JAK3: variants seen among roughly 807,000 people sequenced by gnomAD.
JAK3 encodes the protein Janus kinase 3.
JAK3 carries 88 observed loss-of-function variants against 120.8 expected under a neutral mutation model. That is an observed-to-expected ratio of 0.73 (90% CI 0.61 to 0.87). The LOEUF (loss-of-function observed/expected upper bound fraction) is 0.87. JAK3 is among the 40% of genes least tolerant of loss of function. The probability of loss-of-function intolerance (pLI) is 0.00; values close to 1 mark genes in which losing one functional copy is unlikely to be tolerated. For synonymous variants in JAK3, 592 were observed against 628.6 expected, an observed-to-expected ratio of 0.94 and a Z score of 0.87; for missense variants, 1,254 against 1,501.4, an observed-to-expected ratio of 0.84 and a Z score of 2.72.
In JAK3 at chr19:17,832,504, C is replaced by T. The variant is rs201288968; in HGVS notation, c.2680+15G>A. On this transcript the variant is annotated intron_variant, in intron 19 of 23. Transcript: ENST00000458235. The surrounding 1 kb of genome is among the most constrained non-coding windows in gnomAD (Gnocchi z 4.7). ...ACCCATACGTCTTGGTTCACTCATC[C>T]GGGAGCTGGCTCACCCGGGCCATAG... is the stretch of plus-strand genomic sequence containing the variant. 228 of 1,613,956 alleles carry T rather than the reference C, an allele frequency of 1.4e-4. No individual in the cohort carries two copies. Among genetic ancestry groups the T allele is most frequent in the Admixed American group, 6.5e-4 (39 of 60,000 alleles).
intron 23 of JAK3, 23 bp from the exon 24 acceptor site, chr19:17,826,933 T>G (rs200553316): frequency 2.5e-6 from 4 of 1,602,730 alleles, no homozygotes; most frequent in Non-Finnish European, 2.5e-6. Context: ...GGACAGATAA[T>G]GGGGTCGTGC....
In JAK3 at chr19:17,838,395, G is replaced by A. The variant is rs3212750; in HGVS notation, c.1442-5C>T. On this transcript the variant is annotated splice_region_variant and splice_polypyrimidine_tract_variant and intron_variant, in intron 10 of 23. Coordinates refer to ENST00000458235, the MANE Select transcript of JAK3 (RefSeq NM_000215.4). ...CCACGATCAGGTTGGACTTTTCTAT[G>A]GGGAGAGGATGAGGGAGAAAAACCA... 1.3e-3 allele frequency: 2,054 copies of A among 1,614,122 alleles called. 26 individuals carry two copies. The African/African-American group carries it at 0.024, about 19-fold the overall frequency.
Position 17,832,736 on chromosome 19 carries a change from G to A in JAK3, c.2491-28C>T, listed in dbSNP as rs2147678649. 6.2e-7 allele frequency: 1 copy of A among 1,614,196 alleles called. No individual in the cohort carries two copies. Among genetic ancestry groups the A allele is most frequent in the Non-Finnish European group, 8.5e-7 (1 of 1,179,996 alleles). The stretch of plus-strand genomic sequence containing the variant: ...GGGGGATAGCGGGACTGATGTCCAG[G>A]CACCTGGATGCTGCCCTGCCCTCTC... On this transcript the variant is annotated intron_variant, in intron 18 of 23. Coordinates refer to ENST00000458235, the MANE Select transcript of JAK3 (RefSeq NM_000215.4). The surrounding 1 kb of genome is among the most constrained non-coding windows in gnomAD (Gnocchi z 4.7).
chr19:17,829,787 G>A, intron 23 of JAK3: 1 of 455,338 alleles, frequency 2.2e-6, no homozygotes, highest in Non-Finnish European at 3.9e-6. Flanking sequence ...AAAAAACCAT[G>A]AACGTCACCA....
rs2094202516 is a variant in JAK3 at position 17,825,614 on chromosome 19, C to T, written c.*1129G>A. 1 of 183,402 alleles carries T rather than the reference C, an allele frequency of 5.5e-6. No individual in the cohort carries two copies. The highest frequency in any genetic ancestry group is 6.3e-5 in the Admixed American group (1 of 15,944). 11.4% of individuals were successfully genotyped at this position (183,402 alleles called of 1,614,324 possible). On this transcript the variant is annotated 3_prime_UTR_variant, in exon 24 of 24. Coordinates refer to ENST00000458235, the MANE Select transcript of JAK3 (RefSeq NM_000215.4). ...AAGTCAGATCATACATTTAAAGCTACATGAGGGCCGGGCGCAGTGGCTCAT... is the reference window on the plus strand; with the variant it reads ...AAGTCAGATCATACATTTAAAGCTATATGAGGGCCGGGCGCAGTGGCTCAT...
At position 17,839,653 on chromosome 19, in the gene JAK3, C is replaced by G. The variant is rs2147691483; in HGVS notation, c.1265G>C (p.Gly422Ala). 1 of 1,610,366 alleles carries G rather than the reference C, an allele frequency of 6.2e-7. No individual in the cohort carries two copies. Among genetic ancestry groups the G allele is most frequent in the Admixed American group, 1.7e-5 (1 of 59,464 alleles). ...GATGAGGCAGCCCTTATAATCAGGA[C>G]CAAGGGGGTTCTGCAAAGAAGAGTG... is the stretch of plus-strand genomic sequence containing the variant. ...LLTVCVQNPLGPDYKGCLIRR... is the reference protein window; with the variant it reads ...LLTVCVQNPLAPDYKGCLIRR... Residue 422 changes from glycine to alanine, a missense_variant, in exon 10 of 24, where the codon GGT becomes GCT. Gly to Ala is a moderately conservative substitution (Grantham distance 60, BLOSUM62 0). Transcript: ENST00000458235.
At position 17,839,460 on chromosome 19, in the gene JAK3, G is replaced by A. The variant is rs1231254585; in HGVS notation, c.1441+17C>T. The A allele has an allele frequency of 5.8e-6, 9 of 1,563,230 alleles. No homozygotes were observed. Among genetic ancestry groups the A allele is most frequent in the Non-Finnish European group, 7.8e-6 (9 of 1,152,378 alleles). ...GTCCCAGATCAGCCACTCATTCCAG[G>A]GGAGGAAGGGGCTCACCTTTGGGTC... On this transcript the variant is annotated intron_variant, in intron 10 of 23. Coordinates refer to ENST00000458235, the MANE Select transcript of JAK3 (RefSeq NM_000215.4).
At chr19:17,829,434 C>T (rs537757178) in intron 23 of JAK3, among the ~76,000 whole-genome samples, 1 of 152,182 alleles carries the variant, frequency 6.6e-6, no homozygotes, top group South Asian at 2.1e-4. Context: ...GCTGGGTTTA[C>T]AGGTGTGAGC....
chr19:17,842,328 C>G lies in JAK3; in HGVS notation c.849G>C (p.Gln283His), dbSNP rs763628254. Residue 283 changes from glutamine to histidine, a missense_variant, in exon 6 of 24, where the codon CAG (glutamine) becomes CAC (histidine). Coordinates refer to ENST00000458235, the MANE Select transcript of JAK3 (RefSeq NM_000215.4). This position sits in a 1 kb window ranked among gnomAD's most constrained non-coding sequence, Gnocchi z 6.4. ...VAGDGGIAWT[Q>H]GEQEVLQPFC... ...AGTCCGCCCTCACCTCCTGTTCTCC[C>G]TGGGTCCAGGCGATGCCGCCGTCAC... is the stretch of plus-strand genomic sequence containing the variant. 1.4e-5 allele frequency: 23 copies of G among 1,587,540 alleles called. No homozygotes were observed. Among genetic ancestry groups the G allele is most frequent in the Non-Finnish European group, 2.0e-5 (23 of 1,172,816 alleles).
chr19:17,836,193 A>G, intron 13 of JAK3, 142 bp from the exon 14 acceptor site: 1 of 919,510 alleles, frequency 1.1e-6, no homozygotes, highest in Non-Finnish European at 1.7e-6. Context: ...TTCATACAGT[A>G]CTCACCTCTC....
chr19:17,843,114 C>G lies in JAK3; in HGVS notation c.479G>C (p.Gly160Ala). The change falls in exon 5 of 24, where the codon GGT becomes GCT. Residue 160 changes from glycine (G) to alanine (A), a missense_variant. By Grantham distance (60) the Gly-to-Ala change is moderately conservative (BLOSUM62 0). Transcript: ENST00000458235. The surrounding 1 kb of genome is among the most constrained non-coding windows in gnomAD (Gnocchi z 5.4). The part of the protein sequence containing the change: ...LPVGLSLKEQ[G>A]ECLSLAVLDL... ...CAACACGGCCAGGCTGAGACACTCA[C>G]CCTGCTCCTTGAGACTGAGGCCCAC... is the stretch of plus-strand genomic sequence containing the variant. 6.2e-7 allele frequency: 1 copy of G among 1,610,082 alleles called. No homozygotes were observed. Among genetic ancestry groups the G allele is most frequent in the Non-Finnish European group, 8.5e-7 (1 of 1,179,910 alleles).
rs1003521866 is a variant in JAK3, at chr19:17,831,149, G to C, written c.2978+79C>G. The stretch of plus-strand genomic sequence containing the variant: ...GGCTAAGGCTGGGGAGCAAAGCAGC[G>C]GGAGGGGGCGGGGGCATGGCTGGGG... On this transcript the variant is annotated intron_variant, in intron 21 of 23. Coordinates refer to ENST00000458235, the MANE Select transcript of JAK3 (RefSeq NM_000215.4). This position sits in a 1 kb window ranked among gnomAD's most constrained non-coding sequence, Gnocchi z 5.1. The C allele has an allele frequency of 2.3e-5, 34 of 1,490,258 alleles. No homozygotes were observed. In the Admixed American group the frequency reaches 5.7e-4, roughly 25 times the overall value. 92.3% of individuals were successfully genotyped at this position (1,490,258 alleles called of 1,614,324 possible).
intron 12 of JAK3, 119 bp from the exon 13 acceptor site, chr19:17,837,332 G>A: frequency 2.6e-6 from 2 of 762,114 alleles, no homozygotes; most frequent in South Asian, 1.5e-5. Flanking sequence ...CTTTGGCCCT[G>A]GAGTCTGCCA....
chr19:17,843,214 C>A lies in JAK3; in HGVS notation c.421-42G>T, dbSNP rs199876375. 39 of 1,583,368 alleles carry A rather than the reference C, an allele frequency of 2.5e-5. No individual in the cohort carries two copies. In the African/African-American group the frequency reaches 5.1e-4, roughly 21 times the overall value. On this transcript the variant is annotated intron_variant, in intron 4 of 23. Transcript: ENST00000458235. This position sits in a 1 kb window ranked among gnomAD's most constrained non-coding sequence, Gnocchi z 5.4. Reference sequence around the variant, plus strand: ...GGGAGCATCAGCTGAGGCCACCCAACTTCAAGCCCTGTTGTTAACCTGCAG... The same window carrying A: ...GGGAGCATCAGCTGAGGCCACCCAAATTCAAGCCCTGTTGTTAACCTGCAG...
At chr19:17,827,617 G>A (rs2094206192) in intron 23 of JAK3, among the ~76,000 whole-genome samples, 1 of 150,018 alleles carries the variant, frequency 6.7e-6, no homozygotes, top group Non-Finnish European at 1.5e-5. Flanking sequence ...AAAGGGCTGG[G>A]ATTACAGGTG....
chr19:17,844,091 C>G, intron 2 of JAK3, 143 bp downstream of exon 2: 1 of 1,156,190 alleles, frequency 8.6e-7, no homozygotes, highest in South Asian at 1.4e-5. Context: ...CCCTGCACAC[C>G]CTTCTCCATT....
Position 17,837,991 on chromosome 19 carries a change from C to G in JAK3, c.1642G>C (p.Ala548Pro). 1 of 1,614,142 alleles carries G rather than the reference C, an allele frequency of 6.2e-7. No homozygotes were observed. The highest frequency in any genetic ancestry group is 8.5e-7 in the Non-Finnish European group (1 of 1,180,040). Residue 548 changes from alanine to proline, a missense_variant, in exon 12 of 24, where the codon GCC (alanine) becomes CCC (proline). Ala to Pro is a conservative substitution (Grantham distance 27, BLOSUM62 -1). This residue lies in a region of JAK3 where 630 missense variants were observed against 819.8 expected (regional missense o/e 0.77). Transcript: ENST00000458235. ...TTCAGCAGCACCTCTGTCTTTCGGG[C>G]CTCCCCATCCACCACCTCATGGCGA... ...GCRHEVVDGEARKTEVLLKVM... is the reference protein window; with the variant it reads ...GCRHEVVDGEPRKTEVLLKVM...
At chr19:17,844,740 T>C (rs572260470) in intron 1 of JAK3, among the ~76,000 whole-genome samples, 1 of 146,738 alleles carries the variant, frequency 6.8e-6, no homozygotes, top group South Asian at 2.1e-4. Context: ...GAGGTTGCAG[T>C]GAGCCAAGAT....
intron 21 of JAK3, 145 bp from the exon 22 acceptor site, chr19:17,830,765 G>A (rs2147674822): frequency 2.9e-6 from 2 of 684,688 alleles, no homozygotes; most frequent in South Asian, 1.6e-5. Flanking sequence ...CCCTGGCTGT[G>A]GGATAGGTGG....
Sources: gnomAD v4.1 joint callset for allele counts (sites outside exome capture counted in the v4.1 genomes callset) on GRCh38, gnomAD v4.1.1 for gene constraint, gnomAD v4.1.1 regional missense constraint, Gnocchi (gnomAD v3.1) non-coding constraint, MANE v1.5 for transcripts, NCBI Gene and HGNC (gene_info 2026-07-23, HGNC 2026-07-21) for gene names.